SMYD3: variants seen among roughly 807,000 people sequenced by gnomAD.
SMYD3 encodes the protein histone-lysine N-methyltransferase SMYD3.
A neutral mutation model predicts 57.7 loss-of-function variants in SMYD3; 36 were observed. The observed-to-expected ratio is 0.62, with a 90% CI of 0.48 to 0.82. The LOEUF is 0.82. Ranked by LOEUF, SMYD3 falls within the 40% of genes least tolerant of loss-of-function variation. The pLI is 0.00. For missense variants in SMYD3, 515 were observed against 538.8 expected (o/e 0.96, Z 0.44); for synonymous variants, 211 against 195.0 (o/e 1.08, Z -0.68).
At chr1:245,822,605 T>C (rs1481292344) in intron 10 of SMYD3, among the ~76,000 whole-genome samples, 1 of 151,344 alleles carries the variant, frequency 6.6e-6, no homozygotes. Flanking sequence ...TGCCTCAGTC[T>C]GAGGAGCTCG....
At chr1:246,454,552 T>C (rs147144573) in intron 1 of SMYD3, among the ~76,000 whole-genome samples, 70 of 152,258 alleles carry the variant, frequency 4.6e-4, no homozygotes, top group African/African-American at 1.6e-3. Flanking sequence ...CTGAAAAGAT[T>C]TGGAGGACTA....
chr1:245,993,650 A>ACAGG (rs1439930976), intron 5 of SMYD3, among the ~76,000 whole-genome samples: 5 of 148,644 alleles, frequency 3.4e-5, no homozygotes, highest in African/African-American at 1.2e-4. Context: ...AGACAGACAG[A>ACAGG]CAGACAGACA....
intron 8 of SMYD3, among the ~76,000 whole-genome samples, chr1:245,892,347 A>G (rs1267606235): frequency 2.0e-5 from 3 of 152,226 alleles, no homozygotes; most frequent in African/African-American, 7.2e-5. Flanking sequence ...TACATATATT[A>G]TCTAATTATC....
At chr1:246,393,674 TAAAAA>T (rs796510890) in intron 1 of SMYD3, among the ~76,000 whole-genome samples, 14 of 92,388 alleles carry the variant, frequency 1.5e-4, no homozygotes, top group Admixed American at 6.5e-4. Flanking sequence ...CCCCCATCTC[TAAAAA>T]AAAAAAAAAA....
At chr1:246,387,786 A>G (rs983146201) in intron 1 of SMYD3, among the ~76,000 whole-genome samples, 1 of 152,254 alleles carries the variant, frequency 6.6e-6, no homozygotes, top group African/African-American at 2.4e-5. Context: ...ATTATATTAA[A>G]AATAACATTT....
At chr1:245,921,547 G>GTATATATA (rs1491323831) in intron 7 of SMYD3, among the ~76,000 whole-genome samples, 163 of 35,032 alleles carry the variant, frequency 4.7e-3, no homozygotes, top group Admixed American at 0.012. Flanking sequence ...AAAAAATGTG[G>GTATATATA]TGTATATATA....
At chr1:245,897,770 G>A (rs567804824) in intron 8 of SMYD3, among the ~76,000 whole-genome samples, 14 of 152,038 alleles carry the variant, frequency 9.2e-5, no homozygotes, top group East Asian at 1.9e-4. Flanking sequence ...GGTGGTGCGC[G>A]GCGCCTGTAA....
chr1:246,457,992 A>G (rs1018798262), intron 1 of SMYD3, among the ~76,000 whole-genome samples: 2 of 152,186 alleles, frequency 1.3e-5, no homozygotes, highest in African/African-American at 4.8e-5. Flanking sequence ...TATATTTAAA[A>G]CGTATGTGAT....
intron 5 of SMYD3, among the ~76,000 whole-genome samples, chr1:246,249,464 C>A (rs1405486311): frequency 6.6e-6 from 1 of 151,866 alleles, no homozygotes; most frequent in African/African-American, 2.4e-5. Flanking sequence ...AACTATTAAA[C>A]AATTATTTCA....
chr1:246,119,174 A>G lies in SMYD3; in HGVS notation c.532-189237T>C, dbSNP rs12401699. 6.6e-5 allele frequency among the ~76,000 whole-genome samples: 10 copies of G among 152,002 alleles called. 1 individual carries two copies. The South Asian group carries it at 2.1e-3, about 32-fold the overall frequency. On this transcript the variant is annotated intron_variant, in intron 5 of 11. Coordinates refer to ENST00000490107, the MANE Select transcript of SMYD3 (RefSeq NM_001167740.2). ...TAGCTAAGACTACAAACGCATGCCA[A>G]CATGCTTGGCTAAATTTTTTTTTTA...
intron 8 of SMYD3, among the ~76,000 whole-genome samples, chr1:245,901,529 C>G (rs529989074): frequency 5.3e-5 from 8 of 152,276 alleles, no homozygotes; most frequent in African/African-American, 1.7e-4. Context: ...AAAGTTGTTA[C>G]ATAAGTGATC....
intron 5 of SMYD3, among the ~76,000 whole-genome samples, chr1:246,307,249 T>C (rs925580526): frequency 6.6e-6 from 1 of 152,090 alleles, no homozygotes; most frequent in Admixed American, 6.5e-5. Context: ...CCACCTGAGA[T>C]CCCAAATCCT....
At chr1:246,268,058 G>A (rs1572309664) in intron 5 of SMYD3, among the ~76,000 whole-genome samples, 1 of 152,186 alleles carries the variant, frequency 6.6e-6, no homozygotes, top group Non-Finnish European at 1.5e-5. Context: ...ATTGTCAGAG[G>A]CGTGTGAACC....
At chr1:245,848,593 G>C (rs2050790538) in intron 10 of SMYD3, among the ~76,000 whole-genome samples, 1 of 151,818 alleles carries the variant, frequency 6.6e-6, no homozygotes, top group African/African-American at 2.4e-5. Context: ...TTTATGTTTA[G>C]TAGAGATGAA....
chr1:245,932,092 G>A (rs1203961232), intron 5 of SMYD3, among the ~76,000 whole-genome samples: 1 of 152,090 alleles, frequency 6.6e-6, no homozygotes, highest in Non-Finnish European at 1.5e-5. Flanking sequence ...TTTGGGAAGG[G>A]ATACAAGTTT....
chr1:245,930,221 T>A (rs2056634314), intron 5 of SMYD3: 1 of 474,102 alleles, frequency 2.1e-6, no homozygotes, highest in South Asian at 1.8e-5. Flanking sequence ...AGTCTCATTA[T>A]CCACTACCCC....
chr1:246,267,001 T>A (rs2064122330), intron 5 of SMYD3, among the ~76,000 whole-genome samples: 2 of 152,232 alleles, frequency 1.3e-5, no homozygotes, highest in South Asian at 4.1e-4. Context: ...ATTTTATTTA[T>A]GGATAGTTAT....
At chr1:245,924,950 C>G (rs2056265975) in intron 7 of SMYD3, among the ~76,000 whole-genome samples, 1 of 151,872 alleles carries the variant, frequency 6.6e-6, no homozygotes, top group Admixed American at 6.5e-5. Flanking sequence ...AGGCATGAGC[C>G]ACGGTGCCCA....
At chr1:245,813,246 T>C (rs866925740) in intron 10 of SMYD3, among the ~76,000 whole-genome samples, 1 of 152,028 alleles carries the variant, frequency 6.6e-6, no homozygotes, top group Non-Finnish European at 1.5e-5. Context: ...AACTCCTGAC[T>C]TTGGGATCCA....
Sources: gnomAD v4.1 joint callset for allele counts (sites outside exome capture counted in the v4.1 genomes callset) on GRCh38, gnomAD v4.1.1 for gene constraint, MANE v1.5 for transcripts, NCBI Gene and HGNC (gene_info 2026-07-23, HGNC 2026-07-21) for gene names.